DNAAF4: variants seen among roughly 807,000 people sequenced by gnomAD.
The protein encoded by DNAAF4 is dynein axonemal assembly factor 4, also known as dynein assembly factor 4, axonemal.
Under a neutral mutation model 51.8 loss-of-function variants are expected in DNAAF4, and 43 were observed. The ratio of observed to expected loss-of-function variants is 0.83; its 90% CI spans 0.65 to 1.07. The LOEUF (loss-of-function observed/expected upper bound fraction) is 1.07, where lower values mean the gene tolerates loss of function less well. Ranked by LOEUF, DNAAF4 falls within the 50% of genes least tolerant of loss-of-function variation. The pLI is 0.00. For missense variants in DNAAF4, 581 were observed against 493.0 expected (o/e 1.18, Z -1.69); for synonymous variants, 194 against 165.6 (o/e 1.17, Z -1.32).
rs80343438 is a variant in DNAAF4, at chr15:55,423,234, C to G, written c.1048-5101G>C. 1.4e-3 allele frequency among the ~76,000 whole-genome samples: 208 copies of G among 151,338 alleles called. 5 individuals are homozygous for G. In the East Asian group the frequency reaches 0.031, roughly 23 times the overall value. ...GTATTCTTTTTGAGTCAGGGTCTCC[C>G]TCTGTCACCCAGGCTGGAGCGCAAT... On this transcript the variant is annotated intron_variant, in intron 7 of 7. Coordinates refer to the DNAAF4 transcript ENST00000448430.
downstream of DNAAF4, among the ~76,000 whole-genome samples, chr15:55,427,320 C>T (rs1213437476): frequency 6.6e-6 from 1 of 152,186 alleles, no homozygotes; most frequent in African/African-American, 2.4e-5. Flanking sequence ...CTCGCCTAAG[C>T]CTCCCAAAGT....
In DNAAF4 at chr15:55,447,726, C is replaced by A. The variant is rs568247767; in HGVS notation, c.783+2496G>T. The stretch of plus-strand genomic sequence containing the variant: ...CTGAGGCAGGGAGGTGGCAGCGAGC[C>A]GAGATCACGGCAGTACAGTCCAGCC... On this transcript the variant is annotated intron_variant, in intron 6 of 9. Coordinates refer to ENST00000321149, the MANE Select transcript of DNAAF4 (RefSeq NM_130810.4). Among the ~76,000 whole-genome samples the A allele has an allele frequency of 1.2e-4, 18 of 147,686 alleles. No homozygotes were observed. In the East Asian group the frequency reaches 3.3e-3, roughly 27 times the overall value.
At chr15:55,435,335 G>A (rs1020068817) in intron 7 of DNAAF4, among the ~76,000 whole-genome samples, 1 of 152,136 alleles carries the variant, frequency 6.6e-6, no homozygotes, top group Non-Finnish European at 1.5e-5. Flanking sequence ...TCAGGGATGG[G>A]CTAGTGTGAC....
At chr15:55,427,785 G>A (rs750004011), downstream of DNAAF4, among the ~76,000 whole-genome samples, 20 of 151,540 alleles carry the variant, frequency 1.3e-4, no homozygotes, top group Admixed American at 2.6e-4. Context: ...ACAGGAAAGC[G>A]CCACCAGGTC....
chr15:55,446,989 G>A (rs7182386), intron 6 of DNAAF4, among the ~76,000 whole-genome samples: 14 of 144,282 alleles, frequency 9.7e-5, no homozygotes, highest in African/African-American at 3.1e-4. Flanking sequence ...CTTCCCAGAC[G>A]GGGCAGCTGG....
At chr15:55,467,672 G>A (rs1442527819) in intron 4 of DNAAF4, among the ~76,000 whole-genome samples, 2 of 152,082 alleles carry the variant, frequency 1.3e-5, no homozygotes, top group South Asian at 2.1e-4. Context: ...TGAAGGAAGA[G>A]GGAACAGTAG....
chr15:55,473,369 G>GTGTA (rs1555418830), intron 4 of DNAAF4, among the ~76,000 whole-genome samples: 13 of 130,908 alleles, frequency 9.9e-5, no homozygotes, highest in African/African-American at 3.0e-4. Context: ...ATGTGTGTGT[G>GTGTA]TATATATATA....
chr15:55,443,704 A>G (rs1214134172), intron 6 of DNAAF4, among the ~76,000 whole-genome samples: 2 of 152,118 alleles, frequency 1.3e-5, no homozygotes, highest in Admixed American at 6.5e-5. Flanking sequence ...CCTCTCCAGC[A>G]CCTGTTGTTT....
intron 7 of DNAAF4, among the ~76,000 whole-genome samples, chr15:55,418,934 T>TG (rs1225383846): frequency 6.2e-4 from 3 of 4,820 alleles, no homozygotes; most frequent in South Asian, 0.25. Flanking sequence ...TTTTTTTTTT[T>TG]TTTTGAGTGA....
intron 1 of DNAAF4, among the ~76,000 whole-genome samples, chr15:55,498,924 A>G (rs1426050537): frequency 6.7e-6 from 1 of 148,962 alleles, no homozygotes; most frequent in African/African-American, 2.6e-5. Flanking sequence ...AAAAAAAAAA[A>G]GAAAAGAAAA....
chr15:55,431,792 T>A (rs1277415060), intron 9 of DNAAF4, among the ~76,000 whole-genome samples: 1 of 151,718 alleles, frequency 6.6e-6, no homozygotes, highest in Non-Finnish European at 1.5e-5. Flanking sequence ...ATGTATTTTT[T>A]TTTTTTAAGA....
At chr15:55,487,274 T>C (rs184700718) in intron 4 of DNAAF4, among the ~76,000 whole-genome samples, 1 of 151,902 alleles carries the variant, frequency 6.6e-6, no homozygotes, top group South Asian at 2.1e-4. Flanking sequence ...CACCAATCAG[T>C]GCTCTGTGTC....
At chr15:55,494,316 A>G (rs1363452396) in intron 3 of DNAAF4, among the ~76,000 whole-genome samples, 1 of 152,060 alleles carries the variant, frequency 6.6e-6, no homozygotes, top group African/African-American at 2.4e-5. Flanking sequence ...GGCGTGAGCC[A>G]GCGCGCCCGG....
intron 3 of DNAAF4, among the ~76,000 whole-genome samples, chr15:55,491,655 A>G (rs1433547670): frequency 7.1e-6 from 1 of 141,680 alleles, no homozygotes; most frequent in African/African-American, 2.6e-5. Flanking sequence ...AATATAAAAT[A>G]TATATTATAT....
chr15:55,423,167 A>AC (rs1595883897), intron 7 of DNAAF4, among the ~76,000 whole-genome samples: 1 of 22,314 alleles, frequency 4.5e-5, no homozygotes, highest in Admixed American at 1.1e-3. Flanking sequence ...TAGAGCCAAA[A>AC]GTTTTTTTTT....
intron 4 of DNAAF4, among the ~76,000 whole-genome samples, chr15:55,489,656 C>T (rs1375686589): frequency 1.7e-5 from 2 of 119,604 alleles, no homozygotes; most frequent in Non-Finnish European, 3.3e-5. Flanking sequence ...GCCTGGGCAA[C>T]AGAGCCAGAC....
At chr15:55,462,978 C>A (rs951935312) in intron 5 of DNAAF4, among the ~76,000 whole-genome samples, 1 of 152,132 alleles carries the variant, frequency 6.6e-6, no homozygotes, top group South Asian at 2.1e-4. Context: ...TTGAGGCCAG[C>A]CTGGCCAACA....
chr15:55,430,586 G>A lies in DNAAF4; in HGVS notation c.*84C>T. ...AAAGTACTAAACAGAAAGCGATTCT[G>A]TACAACTGGCCATAATATGTACAAA... On this transcript the variant is annotated 3_prime_UTR_variant, in exon 10 of 10. Transcript: ENST00000321149. 2.0e-6 allele frequency: 3 copies of A among 1,502,842 alleles called. No homozygotes were observed. Among genetic ancestry groups the A allele is most frequent in the Admixed American group, 4.2e-5 (2 of 47,156 alleles). 93.1% of individuals were successfully genotyped at this position (1,502,842 alleles called of 1,614,324 possible). A position where few individuals can be genotyped will look rare whatever the true frequency, so the allele number is the denominator to read the frequency against.
rs140555281 is a variant in DNAAF4 at position 55,431,535 on chromosome 15, C to T, written c.1154-756G>A. Among the ~76,000 whole-genome samples the T allele has an allele frequency of 8.1e-3, 1,198 of 148,328 alleles. 17 individuals carry two copies. Among genetic ancestry groups the T allele is most frequent in the African/African-American group, 0.029 (1,147 of 40,174 alleles). On this transcript the variant is annotated intron_variant, in intron 9 of 9. Coordinates refer to ENST00000321149, the MANE Select transcript of DNAAF4 (RefSeq NM_130810.4). ...TGTCACCCAGGCTGTAGCGCAGTGG[C>T]GTGATCTTGGCTCACTGCAAGCTCT...
Sources: gnomAD v4.1 joint callset for allele counts (sites outside exome capture counted in the v4.1 genomes callset) on GRCh38, gnomAD v4.1.1 for gene constraint, MANE v1.5 for transcripts, NCBI Gene and HGNC (gene_info 2026-07-23, HGNC 2026-07-21) for gene names.